ESRRG: variants seen among roughly 807,000 people sequenced by gnomAD.
The protein encoded by ESRRG is estrogen related receptor gamma.
ESRRG carries 13 observed loss-of-function variants against 44.0 expected under a neutral mutation model. The observed-to-expected ratio is 0.30, with a 90% CI of 0.19 to 0.47. The LOEUF (loss-of-function observed/expected upper bound fraction) is 0.47. ESRRG is among the 20% of genes least tolerant of loss of function. The pLI is 1.00. For missense variants in ESRRG, 395 were observed against 580.6 expected (o/e 0.68, Z 3.29); for synonymous variants, 215 against 214.6 (o/e 1.00, Z -0.02).
intron 2 of ESRRG, among the ~76,000 whole-genome samples, chr1:216,819,760 A>T (rs368220368): frequency 6.6e-6 from 1 of 152,138 alleles, no homozygotes; most frequent in African/African-American, 2.4e-5. Context: ...TGGTTTGTTA[A>T]TATTAATAAT....
chr1:216,907,080 A>T (rs1188150795), intron 2 of ESRRG, among the ~76,000 whole-genome samples: 1 of 152,212 alleles, frequency 6.6e-6, no homozygotes, highest in Non-Finnish European at 1.5e-5. Context: ...GAGAATCTCC[A>T]AGAGCTGGAA....
At chr1:216,607,575 A>G (rs2060096259) in intron 3 of ESRRG, among the ~76,000 whole-genome samples, 1 of 152,196 alleles carries the variant, frequency 6.6e-6, no homozygotes, top group Admixed American at 6.5e-5. Flanking sequence ...ACCTTACTAT[A>G]AAATGACTCT....
At chr1:216,685,909 C>T (rs1173072578) in intron 1 of ESRRG, among the ~76,000 whole-genome samples, 2 of 152,150 alleles carry the variant, frequency 1.3e-5, no homozygotes, top group African/African-American at 4.8e-5. Context: ...AGGTACTCTG[C>T]AACTGAGTGA....
At chr1:216,942,783 G>T (rs2065460893) in intron 1 of ESRRG, among the ~76,000 whole-genome samples, 1 of 151,992 alleles carries the variant, frequency 6.6e-6, no homozygotes, top group Non-Finnish European at 1.5e-5. Context: ...TTGTTCAGTT[G>T]TTCAAGTTCC....
At chr1:216,609,565 T>C (rs2060350567) in intron 3 of ESRRG, among the ~76,000 whole-genome samples, 1 of 152,146 alleles carries the variant, frequency 6.6e-6, no homozygotes, top group Non-Finnish European at 1.5e-5. Context: ...GTTTCATAAT[T>C]CAATAATATC....
chr1:216,827,269 A>G (rs1271974749), intron 2 of ESRRG, among the ~76,000 whole-genome samples: 1 of 152,228 alleles, frequency 6.6e-6, no homozygotes, highest in Non-Finnish European at 1.5e-5. Flanking sequence ...GTGAAAAAGA[A>G]GTCTGTAAAA....
chr1:216,859,006 A>G (rs1427895844), intron 2 of ESRRG, among the ~76,000 whole-genome samples: 1 of 152,208 alleles, frequency 6.6e-6, no homozygotes, highest in South Asian at 2.1e-4. Context: ...AAGTCCATGT[A>G]TAATGTTTAG....
intron 3 of ESRRG, among the ~76,000 whole-genome samples, chr1:216,647,733 A>AT (rs1216500144): frequency 1.3e-5 from 2 of 152,284 alleles, no homozygotes; most frequent in East Asian, 3.9e-4. Flanking sequence ...AACGATTATT[A>AT]TTTTTAAAAC....
intron 3 of ESRRG, among the ~76,000 whole-genome samples, chr1:216,591,972 C>T (rs1008713817): frequency 6.7e-6 from 1 of 149,312 alleles, no homozygotes; most frequent in Non-Finnish European, 1.5e-5. Flanking sequence ...TGGTAGATAC[C>T]CCCAGTCAAG....
At chr1:217,080,671 G>GTTTTTTTTTTTTTTTTT (rs34598045) in intron 1 of ESRRG, among the ~76,000 whole-genome samples, 1 of 65,246 alleles carries the variant, frequency 1.5e-5, no homozygotes, top group African/African-American at 6.2e-5. Context: ...TGTTTTTTTG[G>GTTTTTTTTTTTTTTTTT]TTTTTTTTTT....
chr1:216,820,550 T>C (rs2095264060), intron 2 of ESRRG, among the ~76,000 whole-genome samples: 1 of 152,194 alleles, frequency 6.6e-6, no homozygotes, highest in South Asian at 2.1e-4. Flanking sequence ...AGTAAGCCTT[T>C]CGACTCTAGG....
At chr1:216,684,151 C>T (rs548068538) in intron 1 of ESRRG, among the ~76,000 whole-genome samples, 22 of 152,312 alleles carry the variant, frequency 1.4e-4, no homozygotes, top group Non-Finnish European at 2.9e-4. Flanking sequence ...TTTTACTATG[C>T]TGTGCAAGCT....
chr1:217,031,958 C>T (rs1263986288), intron 1 of ESRRG, among the ~76,000 whole-genome samples: 3 of 152,132 alleles, frequency 2.0e-5, no homozygotes, highest in Admixed American at 6.6e-5. Flanking sequence ...CTCTTTATAG[C>T]AGCATGAGAA....
chr1:216,745,788 G>A (rs1422423445), intron 2 of ESRRG, among the ~76,000 whole-genome samples: 1 of 152,082 alleles, frequency 6.6e-6, no homozygotes, highest in East Asian at 1.9e-4. Flanking sequence ...ATAAAGAATG[G>A]CTATTATCTT....
intron 2 of ESRRG, among the ~76,000 whole-genome samples, chr1:216,910,787 T>C (rs1197341962): frequency 6.6e-6 from 1 of 152,168 alleles, no homozygotes; most frequent in African/African-American, 2.4e-5. Flanking sequence ...AATAGGATTT[T>C]TACTATATTA....
chr1:217,129,584 T>C (rs1325602435), intron 1 of ESRRG, among the ~76,000 whole-genome samples: 1 of 152,198 alleles, frequency 6.6e-6, no homozygotes, highest in Non-Finnish European at 1.5e-5. Flanking sequence ...AGGTGATATA[T>C]CCATAATATT....
chr1:216,519,866 G>A (rs975850969), intron 5 of ESRRG, among the ~76,000 whole-genome samples: 1 of 145,252 alleles, frequency 6.9e-6, no homozygotes, highest in Non-Finnish European at 1.5e-5. Flanking sequence ...AAAAATAAAA[G>A]GTAAACAAAC....
chr1:216,961,230 C>A (rs1046801813), intron 1 of ESRRG, among the ~76,000 whole-genome samples: 13 of 152,124 alleles, frequency 8.5e-5, no homozygotes, highest in African/African-American at 3.1e-4. Flanking sequence ...GAAACCCTAC[C>A]TTATACCACA....
chr1:216,812,560 T>C lies in ESRRG; in HGVS notation c.-14+127022A>G, dbSNP rs550057769. ...ATGCTATAAGAATATAGGTTTGTTT[T>C]TGGCATTCTTCACTATATACTAGGT... On this transcript the variant is annotated intron_variant, in intron 2 of 7. Coordinates refer to the ESRRG transcript ENST00000359162. Among the ~76,000 whole-genome samples, 50 of 152,190 alleles carry C rather than the reference T, an allele frequency of 3.3e-4. 1 individual carries two copies. Among genetic ancestry groups the C allele is most frequent in the Admixed American group, 2.7e-3 (41 of 15,280 alleles).
Sources: gnomAD v4.1 joint callset for allele counts (sites outside exome capture counted in the v4.1 genomes callset) on GRCh38, gnomAD v4.1.1 for gene constraint, MANE v1.5 for transcripts, NCBI Gene and HGNC (gene_info 2026-07-23, HGNC 2026-07-21) for gene names.